FMN1: variants seen among roughly 807,000 people sequenced by gnomAD.
The protein encoded by FMN1 is formin-1.
In FMN1, 110 loss-of-function variants were observed where a neutral mutation model predicts 132.4. The observed-to-expected ratio is 0.83, with a 90% CI of 0.71 to 0.97. FMN1 has a LOEUF of 0.97. FMN1 is among the 50% of genes least tolerant of loss of function. FMN1 has a pLI of 0.00. For missense variants in FMN1, 1,792 were observed against 1,705.3 expected (o/e 1.05, Z -0.90); for synonymous variants, 722 against 651.7 (o/e 1.11, Z -1.64).
At chr15:33,007,045 AG>A (rs2034456248) in intron 7 of FMN1, among the ~76,000 whole-genome samples, 1 of 26,902 alleles carries the variant, frequency 3.7e-5, no homozygotes, top group Admixed American at 8.8e-4. Flanking sequence ...CTAAAAGAGC[AG>A]AGTTTTCGTG....
At position 33,100,162 on chromosome 15, in the gene FMN1, A is replaced by G. The variant is rs78205606; in HGVS notation, c.1868-11188T>C. ...TTATTTAGTTTTAGTGCCTAACGAA[A>G]TGAATCTTTTTGGTAGAATAGAATA... On this transcript the variant is annotated intron_variant, in intron 4 of 20. Transcript: ENST00000616417. Among the ~76,000 whole-genome samples the G allele has an allele frequency of 5.6e-3, 847 of 152,016 alleles. 11 individuals carry two copies. Among genetic ancestry groups the G allele is most frequent in the African/African-American group, 0.019 (807 of 41,434 alleles).
At chr15:32,947,907 C>T (rs2061544756) in intron 9 of FMN1, among the ~76,000 whole-genome samples, 1 of 151,876 alleles carries the variant, frequency 6.6e-6, no homozygotes, top group African/African-American at 2.4e-5. Flanking sequence ...CACAATTCAT[C>T]GTTTCATTTC....
intron 9 of FMN1, among the ~76,000 whole-genome samples, chr15:32,929,091 C>T (rs182171893): frequency 4.1e-4 from 62 of 152,272 alleles, no homozygotes; most frequent in Middle Eastern, 6.8e-3. Flanking sequence ...CTGAGTGTTA[C>T]CTTTACTGGG....
chr15:33,091,517 C>T (rs2038902424), intron 4 of FMN1, among the ~76,000 whole-genome samples: 1 of 152,202 alleles, frequency 6.6e-6, no homozygotes, highest in Non-Finnish European at 1.5e-5. Flanking sequence ...AAGGTAAAAC[C>T]ATGATGCATA....
chr15:32,858,838 C>G (rs923972699), intron 16 of FMN1, among the ~76,000 whole-genome samples: 1 of 152,130 alleles, frequency 6.6e-6, no homozygotes, highest in African/African-American at 2.4e-5. Context: ...TTTATAGCTT[C>G]TCTGCTATTA....
intron 17 of FMN1, among the ~76,000 whole-genome samples, chr15:32,808,100 G>T (rs776738089): frequency 6.6e-6 from 1 of 152,120 alleles, no homozygotes; most frequent in African/African-American, 2.4e-5. Context: ...TAAGAATCCC[G>T]GTGTTCCAAC....
At chr15:33,193,422 C>T (rs374219828) in intron 2 of FMN1, among the ~76,000 whole-genome samples, 40 of 152,182 alleles carry the variant, frequency 2.6e-4, no homozygotes, top group East Asian at 1.9e-4. Context: ...AATTTAGATG[C>T]GCCCCTCCGC....
chr15:32,934,146 G>C (rs1393942223), intron 9 of FMN1, among the ~76,000 whole-genome samples: 3 of 151,522 alleles, frequency 2.0e-5, no homozygotes, highest in Non-Finnish European at 2.9e-5. Flanking sequence ...CATTTTCTTT[G>C]TTGTTACTAT....
rs2031498529 is a variant in FMN1, at chr15:32,968,886, G to A, written c.2815C>T (p.Pro939Ser). The A allele has an allele frequency of 9.9e-7, 1 of 1,007,476 alleles. No homozygotes were observed. Among genetic ancestry groups the A allele is most frequent in the Non-Finnish European group, 1.5e-6 (1 of 671,008 alleles). 62.4% of individuals were successfully genotyped at this position (1,007,476 alleles called of 1,614,324 possible). A position where few individuals can be genotyped will look rare whatever the true frequency, so the allele number is the denominator to read the frequency against. Residue 939 changes from proline to serine, a missense_variant, in exon 8 of 21, where the codon CCT becomes TCT. Pro to Ser is a moderately conservative substitution (Grantham distance 74). Around this residue, in one of 3 missense-constraint regions of FMN1, gnomAD observed 1,150 missense variants for 1,043.1 expected, o/e 1.10. Coordinates refer to ENST00000616417, the MANE Select transcript of FMN1 (RefSeq NM_001277313.2). The part of the protein sequence containing the change: ...PLPNSPAPPN[P>S]GGPPPAPPPP... Reference sequence around the variant, plus strand: ...GGTGGAGCAGGAGGAGGCCCTCCAGGGTTGGGTGGGGCAGGGGAGTTAGGA... The same window carrying A: ...GGTGGAGCAGGAGGAGGCCCTCCAGAGTTGGGTGGGGCAGGGGAGTTAGGA...
intron 6 of FMN1, among the ~76,000 whole-genome samples, chr15:33,032,245 C>T (rs1190907859): frequency 6.6e-6 from 1 of 152,118 alleles, no homozygotes; most frequent in South Asian, 2.1e-4. Flanking sequence ...CAACACTAAA[C>T]GAGTACATCA....
At chr15:33,167,287 A>G (rs4780089) in intron 3 of FMN1, among the ~76,000 whole-genome samples, 123,637 of 152,040 alleles carry the variant, frequency 0.81, 50,757 homozygotes, top group Middle Eastern at 0.92. Flanking sequence ...TTATAAATGG[A>G]AGTTCCCCTG....
chr15:32,971,235 T>C (rs970394742), intron 7 of FMN1, among the ~76,000 whole-genome samples: 1 of 152,270 alleles, frequency 6.6e-6, no homozygotes, highest in Non-Finnish European at 1.5e-5. Context: ...TAAATCTTAC[T>C]GTTAGTTTCT....
chr15:32,958,660 T>A (rs1424510858), intron 9 of FMN1, among the ~76,000 whole-genome samples: 2 of 152,232 alleles, frequency 1.3e-5, no homozygotes, highest in African/African-American at 2.4e-5. Flanking sequence ...AATTAGTATC[T>A]GAGTTCCACA....
At chr15:33,043,030 T>A (rs1053692813) in intron 6 of FMN1, among the ~76,000 whole-genome samples, 7 of 152,114 alleles carry the variant, frequency 4.6e-5, no homozygotes, top group Non-Finnish European at 8.8e-5. Context: ...TGACTCAAAA[T>A]GGTTTGACTT....
intron 9 of FMN1, among the ~76,000 whole-genome samples, chr15:32,943,818 A>G (rs2061447631): frequency 6.6e-6 from 1 of 152,180 alleles, no homozygotes; most frequent in African/African-American, 2.4e-5. Context: ...CTGCCATCCA[A>G]ATCAAAAAAT....
intron 16 of FMN1, among the ~76,000 whole-genome samples, chr15:32,878,184 T>C (rs1292707250): frequency 2.6e-5 from 4 of 152,280 alleles, no homozygotes; most frequent in African/African-American, 7.2e-5. Flanking sequence ...GCAATGATCC[T>C]AGAGCAGGAA....
rs148910039 is a variant in FMN1 at position 32,882,152 on chromosome 15, G to A, written c.3835+6020C>T. 6.2e-3 allele frequency among the ~76,000 whole-genome samples: 945 copies of A among 152,284 alleles called. 12 individuals are homozygous for A. The highest frequency in any genetic ancestry group is 0.022 in the African/African-American group (900 of 41,564). On this transcript the variant is annotated intron_variant, in intron 16 of 20. Coordinates refer to ENST00000616417, the MANE Select transcript of FMN1 (RefSeq NM_001277313.2). ...GAATTCAATCCAATTTTTATCTGTA[G>A]TCCCTTTAGAAGATGAGCCACAGAA...
chr15:32,979,532 C>T (rs889241854), intron 7 of FMN1, among the ~76,000 whole-genome samples: 6 of 130,404 alleles, frequency 4.6e-5, no homozygotes, highest in South Asian at 2.5e-4. Context: ...CTGCAGCCTG[C>T]GCAACAGAGC....
intron 17 of FMN1, among the ~76,000 whole-genome samples, chr15:32,818,174 T>C (rs970357336): frequency 2.0e-5 from 3 of 152,210 alleles, no homozygotes; most frequent in African/African-American, 7.2e-5. Flanking sequence ...ATATTGAATG[T>C]AATGTCCTTT....
Sources: allele counts gnomAD v4.1 joint callset (sites outside exome capture counted in the v4.1 genomes callset), GRCh38; gene constraint gnomAD v4.1.1; regional missense constraint gnomAD v4.1.1; transcripts MANE v1.5; gene names NCBI Gene and HGNC (gene_info 2026-07-23, HGNC 2026-07-21).